The following EYS variants were observed in gnomAD, a reference collection of about 807,000 sequenced individuals.
EYS encodes the protein EGF-like photoreceptor maintenance factor, also known as protein eyes shut homolog.
EYS carries 250 observed loss-of-function variants against 282.1 expected under a neutral mutation model. The ratio of observed to expected loss-of-function variants is 0.89; its 90% CI spans 0.80 to 0.98. The LOEUF is 0.98. EYS is among the 50% of genes least tolerant of loss of function. The pLI is 0.00. For missense variants in EYS, 4,016 were observed against 3,709.0 expected (o/e 1.08, Z -2.15); for synonymous variants, 1,355 against 1,282.9 (o/e 1.06, Z -1.20).
At chr6:64,571,621 A>G (rs1000906188) in intron 26 of EYS, among the ~76,000 whole-genome samples, 2 of 152,220 alleles carry the variant, frequency 1.3e-5, no homozygotes, top group Non-Finnish European at 2.9e-5. Flanking sequence ...ACAGAAATAC[A>G]AACTACCATC....
At chr6:64,025,636 G>C (rs567271406) in intron 33 of EYS, among the ~76,000 whole-genome samples, 35 of 152,272 alleles carry the variant, frequency 2.3e-4, no homozygotes, top group South Asian at 8.3e-4. Flanking sequence ...TTTGCCCAAA[G>C]CTCCGTCATA....
intron 8 of EYS, among the ~76,000 whole-genome samples, chr6:65,360,133 T>C (rs1321959453): frequency 1.3e-5 from 2 of 151,998 alleles, no homozygotes; most frequent in Non-Finnish European, 2.9e-5. Context: ...TTATTGTTTT[T>C]ATGACGCCAC....
chr6:64,301,585 T>C (rs1385181012), intron 30 of EYS, among the ~76,000 whole-genome samples: 3 of 152,198 alleles, frequency 2.0e-5, no homozygotes, highest in East Asian at 1.9e-4. Flanking sequence ...AATCAGTTGC[T>C]AGGTTATGAT....
intron 1 of EYS, among the ~76,000 whole-genome samples, chr6:65,684,500 G>A (rs533610936): frequency 1.3e-5 from 2 of 152,018 alleles, no homozygotes; most frequent in Admixed American, 1.3e-4. Flanking sequence ...ATGTATAGAC[G>A]CTATATGGTA....
intron 8 of EYS, among the ~76,000 whole-genome samples, chr6:65,369,958 G>A (rs1422533004): frequency 1.3e-5 from 2 of 151,524 alleles, no homozygotes; most frequent in Admixed American, 6.7e-5. Flanking sequence ...AACTGTCTCC[G>A]AAGACTGATA....
At chr6:65,513,204 T>A (rs2127291658) in intron 2 of EYS, among the ~76,000 whole-genome samples, 1 of 152,222 alleles carries the variant, frequency 6.6e-6, no homozygotes, top group Non-Finnish European at 1.5e-5. Context: ...AATGGATAAA[T>A]TCCTCCACAC....
At chr6:63,776,915 G>A (rs1054789317) in intron 40 of EYS, among the ~76,000 whole-genome samples, 2 of 152,168 alleles carry the variant, frequency 1.3e-5, no homozygotes, top group East Asian at 1.9e-4. Flanking sequence ...TGAAGTAAAC[G>A]TGTGCTTCTA....
chr6:65,295,632 C>A, intron 12 of EYS: 1 of 524,264 alleles, frequency 1.9e-6, no homozygotes, highest in Non-Finnish European at 3.4e-6. Context: ...TTCAGCCTGA[C>A]CTTATTAGTC....
At chr6:64,186,692 A>C (rs1026913923) in intron 31 of EYS, among the ~76,000 whole-genome samples, 22 of 152,142 alleles carry the variant, frequency 1.4e-4, no homozygotes, top group African/African-American at 4.6e-4. Flanking sequence ...AGCTGTCTAG[A>C]CAGAGGTAGA....
At chr6:64,199,459 T>A (rs549606036) in intron 31 of EYS, among the ~76,000 whole-genome samples, 14 of 152,172 alleles carry the variant, frequency 9.2e-5, no homozygotes, top group African/African-American at 2.6e-4. Flanking sequence ...ATGTAAGACC[T>A]AAACCATAAA....
chr6:64,342,521 A>AT (rs773286816), intron 29 of EYS, among the ~76,000 whole-genome samples: 25 of 152,006 alleles, frequency 1.6e-4, no homozygotes, highest in Non-Finnish European at 2.8e-4. Flanking sequence ...ATGCTGAGAG[A>AT]TTTTGTCACC....
chr6:64,471,888 T>C (rs1776132580), intron 26 of EYS, among the ~76,000 whole-genome samples: 2 of 152,218 alleles, frequency 1.3e-5, no homozygotes, highest in Admixed American at 1.3e-4. Flanking sequence ...ACATAAGTTC[T>C]AGTCTTCAAT....
At chr6:65,581,779 C>T (rs1456665676) in intron 2 of EYS, among the ~76,000 whole-genome samples, 1 of 151,852 alleles carries the variant, frequency 6.6e-6, no homozygotes, top group Non-Finnish European at 1.5e-5. Context: ...AAATAAATAT[C>T]TGTAAAAATA....
At chr6:64,054,085 A>T (rs1770903194) in intron 33 of EYS, among the ~76,000 whole-genome samples, 1 of 152,194 alleles carries the variant, frequency 6.6e-6, no homozygotes, top group Non-Finnish European at 1.5e-5. Context: ...CTTAGGGATT[A>T]TCTCTAATAA....
chr6:64,004,996 G>T (rs1485807662), intron 33 of EYS, among the ~76,000 whole-genome samples: 1 of 152,094 alleles, frequency 6.6e-6, no homozygotes, highest in East Asian at 1.9e-4. Context: ...GCGATTACTG[G>T]GTCGAATGGT....
chr6:63,790,000 C>T (rs1445298695), intron 37 of EYS, among the ~76,000 whole-genome samples: 3 of 152,140 alleles, frequency 2.0e-5, no homozygotes, highest in Non-Finnish European at 2.9e-5. Context: ...GACCCAAATA[C>T]GTCACCCAGC....
intron 2 of EYS, among the ~76,000 whole-genome samples, chr6:65,543,245 C>A (rs1768244173): frequency 6.6e-6 from 1 of 151,922 alleles, no homozygotes; most frequent in Non-Finnish European, 1.5e-5. Flanking sequence ...TCAGGATGAA[C>A]AACCTGCCTC....
intron 31 of EYS, among the ~76,000 whole-genome samples, chr6:64,124,853 TGA>T (rs201989465): frequency 1.3e-5 from 2 of 151,244 alleles, no homozygotes; most frequent in Non-Finnish European, 2.9e-5. Context: ...ACAGAGGAAA[TGA>T]GAGAAGAAGA....
At chr6:64,886,062 A>G (rs1767075204) in intron 19 of EYS, among the ~76,000 whole-genome samples, 1 of 146,506 alleles carries the variant, frequency 6.8e-6, no homozygotes, top group South Asian at 2.2e-4. Flanking sequence ...AAACAAAATA[A>G]CACAAAAACT....
Sources: allele counts gnomAD v4.1 joint callset (sites outside exome capture counted in the v4.1 genomes callset), GRCh38; gene constraint gnomAD v4.1.1; transcripts MANE v1.5; gene names NCBI Gene and HGNC (gene_info 2026-07-23, HGNC 2026-07-21).